Variants in GRID2 observed in about 807,000 individuals in gnomAD.
GRID2 encodes the protein glutamate ionotropic receptor delta type subunit 2.
A neutral mutation model predicts 114.8 loss-of-function variants in GRID2; 33 were observed. The observed-to-expected ratio is 0.29, with a 90% CI of 0.22 to 0.38. The LOEUF is 0.38. Among genes scored for constraint, GRID2 ranks in the 10% least tolerant of loss-of-function variants. GRID2 has a pLI of 1.00. For synonymous variants in GRID2, 505 were observed against 449.9 expected (o/e 1.12, Z -1.55); for missense variants, 1,184 against 1,257.7 (o/e 0.94, Z 0.89).
chr4:92,420,934 C>T (rs570033919), intron 1 of GRID2, among the ~76,000 whole-genome samples: 3 of 152,232 alleles, frequency 2.0e-5, no homozygotes, highest in African/African-American at 7.2e-5. Context: ...ATCTGCCTGC[C>T]TCAGCTTCCA....
At chr4:93,158,525 A>G (rs1298568663) in intron 4 of GRID2, among the ~76,000 whole-genome samples, 1 of 150,614 alleles carries the variant, frequency 6.6e-6, no homozygotes, top group African/African-American at 2.5e-5. Flanking sequence ...CTACCATACT[A>G]CCTTACCTTG....
At chr4:92,454,878 A>G (rs1406850875) in intron 1 of GRID2, among the ~76,000 whole-genome samples, 1 of 152,196 alleles carries the variant, frequency 6.6e-6, no homozygotes, top group Non-Finnish European at 1.5e-5. Context: ...ATGTCTCTGG[A>G]TTACTTTCCG....
intron 2 of GRID2, among the ~76,000 whole-genome samples, chr4:92,964,756 G>T (rs975801988): frequency 3.9e-5 from 6 of 151,908 alleles, no homozygotes; most frequent in African/African-American, 1.4e-4. Context: ...ACCTCTCTCA[G>T]ACTTCAGAGA....
Position 92,792,058 on chromosome 4 carries a change from C to G in GRID2, c.244+201772C>G, listed in dbSNP as rs895804199. On this transcript the variant is annotated intron_variant, in intron 2 of 15. Coordinates refer to ENST00000282020, the MANE Select transcript of GRID2 (RefSeq NM_001510.4). ...TGTCCTCAGTGAGCCGTGGCCATGA[C>G]ATGGAATCTGTCCAAGACACTTGGT... Among the ~76,000 whole-genome samples, 10 of 151,940 alleles carry G rather than the reference C, an allele frequency of 6.6e-5. 1 individual carries two copies. The highest frequency in any genetic ancestry group is 6.6e-4 in the Admixed American group (10 of 15,218).
chr4:93,328,984 T>A (rs1249604660), intron 8 of GRID2, among the ~76,000 whole-genome samples: 2 of 152,220 alleles, frequency 1.3e-5, no homozygotes, highest in Non-Finnish European at 2.9e-5. Flanking sequence ...GCTGCAGTTT[T>A]AGTACCTACT....
At chr4:92,687,182 ATT>A (rs146395858) in intron 2 of GRID2, among the ~76,000 whole-genome samples, 202 of 142,814 alleles carry the variant, frequency 1.4e-3, no homozygotes, top group Non-Finnish European at 2.0e-3. Flanking sequence ...GATTTTTTTG[ATT>A]TTTTTTTTTT....
chr4:93,206,058 C>G (rs1022234471), intron 4 of GRID2, among the ~76,000 whole-genome samples: 1 of 151,498 alleles, frequency 6.6e-6, no homozygotes, highest in Non-Finnish European at 1.5e-5. Context: ...TAACCTAAAA[C>G]TTAAAGTATA....
At chr4:93,292,977 C>T (rs1451732688) in intron 8 of GRID2, among the ~76,000 whole-genome samples, 3 of 152,174 alleles carry the variant, frequency 2.0e-5, no homozygotes, top group African/African-American at 7.2e-5. Flanking sequence ...CTGCATAGCC[C>T]TTTAGCTGTG....
chr4:93,316,335 A>G lies in GRID2; in HGVS notation c.1245+77845A>G, dbSNP rs865880512. On this transcript the variant is annotated intron_variant, in intron 8 of 15. Transcript: ENST00000282020. ...AAGAAAGAAAGAAAGAAAGAAAGAA[A>G]GAAAGAAGGAAGGAAGGAAGGAAGG... is the stretch of plus-strand genomic sequence containing the variant. 9.3e-3 allele frequency among the ~76,000 whole-genome samples: 451 copies of G among 48,420 alleles called. 7 individuals are homozygous for G. Among genetic ancestry groups the G allele is most frequent in the African/African-American group, 0.041 (428 of 10,358 alleles). 31.8% of individuals were successfully genotyped at this position (48,420 alleles called of 152,430 possible).
intron 2 of GRID2, among the ~76,000 whole-genome samples, chr4:92,916,939 C>T (rs1180989734): frequency 2.5e-4 from 38 of 152,204 alleles, no homozygotes; most frequent in Admixed American, 2.5e-3. Flanking sequence ...AATCGCCACA[C>T]TGACTTCCAC....
At chr4:92,354,409 T>G (rs964434552) in intron 1 of GRID2, among the ~76,000 whole-genome samples, 2 of 152,110 alleles carry the variant, frequency 1.3e-5, no homozygotes, top group South Asian at 4.1e-4. Context: ...CTCTGTAATT[T>G]TGCTGATATC....
chr4:93,084,068 T>G (rs941868653), intron 2 of GRID2, among the ~76,000 whole-genome samples: 4 of 152,044 alleles, frequency 2.6e-5, no homozygotes, highest in Non-Finnish European at 5.9e-5. Context: ...AAAATAAGGC[T>G]GAACCAGTTA....
chr4:93,126,862 G>T (rs1734327369), intron 4 of GRID2, among the ~76,000 whole-genome samples: 1 of 152,002 alleles, frequency 6.6e-6, no homozygotes, highest in African/African-American at 2.4e-5. Flanking sequence ...CTCCCAAAGT[G>T]CTGGGATTAC....
chr4:92,490,238 C>T lies in GRID2; in HGVS notation c.89-99893C>T, dbSNP rs985852914. On this transcript the variant is annotated intron_variant, in intron 1 of 15. Coordinates refer to ENST00000282020, the MANE Select transcript of GRID2 (RefSeq NM_001510.4). ...GGAAATATAATCTGCCTGTTTGTAA[C>T]CTTTATCGTATTCAAAATTAAAAGA... Among the ~76,000 whole-genome samples the T allele has an allele frequency of 1.3e-5, 2 of 152,044 alleles. 1 individual carries two copies. The highest frequency in any genetic ancestry group is 6.4e-3 in the Middle Eastern group (2 of 314).
chr4:92,697,019 T>C (rs1005134885), intron 2 of GRID2, among the ~76,000 whole-genome samples: 3 of 152,204 alleles, frequency 2.0e-5, no homozygotes, highest in Non-Finnish European at 4.4e-5. Context: ...CCTTGTGAAA[T>C]GAATTTTAGT....
chr4:92,799,749 A>C (rs567198096), intron 2 of GRID2, among the ~76,000 whole-genome samples: 28 of 152,144 alleles, frequency 1.8e-4, no homozygotes, highest in Non-Finnish European at 3.5e-4. Context: ...AAAGTACTGG[A>C]GGTTAGGGCT....
chr4:92,567,274 A>G (rs1299174522), intron 1 of GRID2, among the ~76,000 whole-genome samples: 1 of 151,940 alleles, frequency 6.6e-6, no homozygotes, highest in Admixed American at 6.6e-5. Context: ...TAACTTCAAA[A>G]TTATATTCTT....
At chr4:93,418,266 TTAG>T (rs1037800614) in intron 9 of GRID2, among the ~76,000 whole-genome samples, 1 of 151,908 alleles carries the variant, frequency 6.6e-6, no homozygotes, top group Non-Finnish European at 1.5e-5. Context: ...TATTCTTGCT[TTAG>T]GATTTTCTAT....
intron 1 of GRID2, among the ~76,000 whole-genome samples, chr4:92,387,646 G>GT (rs1049925454): frequency 1.3e-5 from 2 of 151,954 alleles, no homozygotes; most frequent in Non-Finnish European, 2.9e-5. Flanking sequence ...GGAAGGAAGT[G>GT]TAAGTGGCTC....
Sources: gnomAD v4.1 joint callset for allele counts (sites outside exome capture counted in the v4.1 genomes callset) on GRCh38, gnomAD v4.1.1 for gene constraint, MANE v1.5 for transcripts, NCBI Gene and HGNC (gene_info 2026-07-23, HGNC 2026-07-21) for gene names.